NCR1: variants seen among roughly 807,000 people sequenced by gnomAD.
NCR1 encodes natural cytotoxicity triggering receptor 1, also known as NK cell-activating receptor.
Under a neutral mutation model 32.5 loss-of-function variants are expected in NCR1, and 30 were observed. That is an observed-to-expected ratio of 0.92 (90% CI 0.69 to 1.25). The LOEUF is 1.25. Ranked by LOEUF, NCR1 falls within the 50% of genes most tolerant of loss-of-function variation. The probability of loss-of-function intolerance (pLI) is 0.00; values close to 1 mark genes in which losing one functional copy is unlikely to be tolerated. For missense variants in NCR1, 369 were observed against 380.7 expected (o/e 0.97, Z 0.26); for synonymous variants, 169 against 143.4 (o/e 1.18, Z -1.28).
chr19:54,934,131 C>T, the NCR1 span, among the ~76,000 whole-genome samples: 15 of 152,108 alleles, frequency 9.9e-5, no homozygotes, highest in South Asian at 4.1e-4. This position sits in a 1 kb window ranked among gnomAD's most constrained non-coding sequence, Gnocchi z 6.7. Context: ...TTAGTAGAGA[C>T]GGGGTTTCAC....
downstream of NCR1, among the ~76,000 whole-genome samples, chr19:54,920,687 C>T (rs1330868475): frequency 1.3e-5 from 2 of 152,176 alleles, no homozygotes; most frequent in Non-Finnish European, 2.9e-5. Flanking sequence ...ATTAGCCAAG[C>T]ATGTTTGGCA....
downstream of NCR1, among the ~76,000 whole-genome samples, chr19:54,916,294 T>A (rs188547736): frequency 1.3e-5 from 2 of 148,828 alleles, no homozygotes; most frequent in Non-Finnish European, 3.0e-5. Context: ...CAGAACTAAC[T>A]CATCTTATAA....
In NCR1 at chr19:54,910,097, G is replaced by A. The variant is rs1242699058; in HGVS notation, c.682+32G>A. 3.1e-6 allele frequency: 5 copies of A among 1,601,806 alleles called. No homozygotes were observed. In the African/African-American group the frequency reaches 4.0e-5, roughly 13 times the overall value. ...AACTGGTCCTTCTAAGCTCAGACGAGCGATCAGAGCCTCCCAGTGACACTA... is the reference window on the plus strand; with the variant it reads ...AACTGGTCCTTCTAAGCTCAGACGAACGATCAGAGCCTCCCAGTGACACTA... On this transcript the variant is annotated intron_variant, in intron 5 of 6. Coordinates refer to ENST00000291890, the MANE Select transcript of NCR1 (RefSeq NM_004829.7).
the NCR1 span, chr19:54,936,191 T>G: frequency 9.1e-6 from 13 of 1,424,190 alleles, no homozygotes; most frequent in Non-Finnish European, 1.3e-5. Context: ...TTACCCTTTT[T>G]CCTAGATCCC....
intron 5 of NCR1, among the ~76,000 whole-genome samples, 170 bp from the exon 6 acceptor site, chr19:54,911,998 G>A (rs974521686): frequency 6.6e-6 from 1 of 152,046 alleles, no homozygotes. Context: ...CGTCAGGTTC[G>A]TCCATCTGTG....
the NCR1 span, among the ~76,000 whole-genome samples, chr19:54,929,984 G>A: frequency 1.5e-3 from 228 of 151,480 alleles, no homozygotes; most frequent in African/African-American, 5.2e-3. Flanking sequence ...GCACGGTGGC[G>A]GGCATCTGTA....
At chr19:54,923,635 G>T in the NCR1 span, 2 of 1,319,070 alleles carry the variant, frequency 1.5e-6, no homozygotes, top group Non-Finnish European at 2.2e-6. Context: ...CCTACCTCTC[G>T]ACAGACTCTA....
At chr19:54,933,943 G>C in the NCR1 span, among the ~76,000 whole-genome samples, 1 of 152,082 alleles carries the variant, frequency 6.6e-6, no homozygotes, top group African/African-American at 2.4e-5. Flanking sequence ...GCCATCACAG[G>C]ACACAGGTGT....
chr19:54,912,162 C>T lies in NCR1; in HGVS notation c.683-6C>T, dbSNP rs73619969. ...ATCCTCTTTTCTTCACTTCCCTTAT[C>T]ATCAGCAGACACTTGGGGCACCTAC... On this transcript the variant is annotated splice_region_variant and splice_polypyrimidine_tract_variant and intron_variant, in intron 5 of 6. Transcript: ENST00000291890. The T allele has an allele frequency of 0.18, 295,074 of 1,611,114 alleles. 36,984 individuals are homozygous for T. Among genetic ancestry groups the T allele is most frequent in the East Asian group, 0.53 (23,686 of 44,814 alleles).
the NCR1 span, chr19:54,927,864 G>C: frequency 9.3e-6 from 11 of 1,177,134 alleles, no homozygotes; most frequent in Non-Finnish European, 1.4e-5. Flanking sequence ...GGCCAAGGCG[G>C]GTGGATCACT....
chr19:54,938,056 A>G, the NCR1 span: 1 of 1,613,592 alleles, frequency 6.2e-7, no homozygotes, highest in Non-Finnish European at 8.5e-7. Flanking sequence ...CACTTTCTGC[A>G]GATGACAGGT....
chr19:54,934,044 C>A, the NCR1 span, among the ~76,000 whole-genome samples: 1 of 152,148 alleles, frequency 6.6e-6, no homozygotes, highest in African/African-American at 2.4e-5. This position sits in a 1 kb window ranked among gnomAD's most constrained non-coding sequence, Gnocchi z 6.7. Context: ...CCCAGGTTTA[C>A]ACCATTCTGC....
chr19:54,903,890 C>G (rs1236777190), upstream of NCR1, among the ~76,000 whole-genome samples: 1 of 150,946 alleles, frequency 6.6e-6, no homozygotes, highest in Non-Finnish European at 1.5e-5. Flanking sequence ...TTTGAGAGGC[C>G]GAGGCAGGAA....
the NCR1 span, among the ~76,000 whole-genome samples, chr19:54,925,691 TAGA>T: frequency 6.6e-6 from 1 of 152,008 alleles, no homozygotes; most frequent in South Asian, 2.1e-4. Flanking sequence ...AAACTAAAGG[TAGA>T]TTACGTTAAA....
Position 54,906,761 on chromosome 19 carries a change from G to A in NCR1, c.309G>A (p.Gly103=). 6.2e-7 allele frequency: 1 copy of A among 1,614,166 alleles called. No homozygotes were observed. Among genetic ancestry groups the A allele is most frequent in the Non-Finnish European group, 8.5e-7 (1 of 1,180,026 alleles). The part of the protein sequence containing the change: ...AGQYSCIYRV[G]ELWSEPSNLL... The stretch of plus-strand genomic sequence containing the variant: ...AATACAGCTGCATCTATCGGGTTGG[G>A]GAGCTCTGGTCAGAGCCCAGCAACT... Residue 103 remains glycine, a synonymous_variant, in exon 3 of 7, where the codon GGG becomes GGA. Transcript: ENST00000291890.
At chr19:54,917,104 A>G (rs1280661137), downstream of NCR1, among the ~76,000 whole-genome samples, 1 of 151,484 alleles carries the variant, frequency 6.6e-6, no homozygotes, top group Non-Finnish European at 1.5e-5. Flanking sequence ...CGAAGGACTC[A>G]CTTCTCTGGC....
chr19:54,910,361 G>A (rs1286279940), intron 5 of NCR1, among the ~76,000 whole-genome samples: 2 of 152,070 alleles, frequency 1.3e-5, no homozygotes, highest in South Asian at 2.1e-4. Flanking sequence ...CACAAGGTCA[G>A]GAATTCGAGA....
the NCR1 span, chr19:54,923,952 A>G: frequency 1.3e-6 from 2 of 1,491,982 alleles, no homozygotes; most frequent in African/African-American, 2.8e-5. Flanking sequence ...GTTTTCAAAC[A>G]CTCAAAGCAG....
chr19:54,930,321 C>CCATGGTAA, the NCR1 span, among the ~76,000 whole-genome samples: 4 of 150,768 alleles, frequency 2.7e-5, no homozygotes, highest in Admixed American at 6.6e-5. Flanking sequence ...AGTTACCTGG[C>CCATGGTAA]CATGGTAATA....
Sources: allele counts gnomAD v4.1 joint callset (sites outside exome capture counted in the v4.1 genomes callset), GRCh38; gene constraint gnomAD v4.1.1; non-coding constraint Gnocchi (gnomAD v3.1); transcripts MANE v1.5; gene names NCBI Gene and HGNC (gene_info 2026-07-23, HGNC 2026-07-21).